Variants in SLC6A6 observed in about 807,000 individuals in gnomAD.
SLC6A6 encodes the protein sodium- and chloride-dependent taurine transporter.
In SLC6A6, 16 loss-of-function variants were observed where a neutral mutation model predicts 68.8. That is an observed-to-expected ratio of 0.23 (90% confidence interval 0.16 to 0.35). The LOEUF (loss-of-function observed/expected upper bound fraction) is 0.35. SLC6A6 is among the 10% of genes least tolerant of loss of function. The pLI is 1.00. For synonymous variants in SLC6A6, 312 were observed against 315.4 expected, an observed-to-expected ratio of 0.99 and a Z score of 0.12; for missense variants, 474 against 802.8, an observed-to-expected ratio of 0.59 and a Z score of 4.95.
In SLC6A6 at chr3:14,469,133, G is replaced by A. The variant is rs575325380; in HGVS notation, c.1096+921G>A. 4.6e-5 allele frequency among the ~76,000 whole-genome samples: 7 copies of A among 152,164 alleles called. No homozygotes were observed. The South Asian group carries it at 6.2e-4, about 14-fold the overall frequency. On this transcript the variant is annotated intron_variant, in intron 9 of 14. Transcript: ENST00000622186. ...CAGGATCCTCAAAGTCCACCTTTCCGACCTCTCCACCCTTCCCCGGCCCTG... is the reference window on the plus strand; with the variant it reads ...CAGGATCCTCAAAGTCCACCTTTCCAACCTCTCCACCCTTCCCCGGCCCTG...
chr3:14,474,447 G>A (rs377752615), intron 10 of SLC6A6, among the ~76,000 whole-genome samples: 1 of 152,062 alleles, frequency 6.6e-6, no homozygotes, highest in Non-Finnish European at 1.5e-5. Flanking sequence ...GACATTGCGC[G>A]GCCATCACCA....
At chr3:14,433,173 C>G (rs1574925968) in intron 2 of SLC6A6, among the ~76,000 whole-genome samples, 1 of 152,174 alleles carries the variant, frequency 6.6e-6, no homozygotes, top group Non-Finnish European at 1.5e-5. Context: ...GTAGCAGGTG[C>G]TCAGTCAGCC....
At chr3:14,448,092 T>C in intron 5 of SLC6A6, 1 of 1,178,094 alleles carries the variant, frequency 8.5e-7, no homozygotes, top group Non-Finnish European at 1.1e-6. Flanking sequence ...ATTACTACCC[T>C]GTGAGGCAGG....
At chr3:14,459,972 AC>A (rs1700460348) in intron 6 of SLC6A6, among the ~76,000 whole-genome samples, 1 of 143,950 alleles carries the variant, frequency 6.9e-6, no homozygotes, top group African/African-American at 2.6e-5. Context: ...ATCTCAGCTC[AC>A]TTTCTGGGCT....
intron 1 of SLC6A6, among the ~76,000 whole-genome samples, chr3:14,410,274 C>T (rs1699219906): frequency 6.6e-6 from 1 of 152,118 alleles, no homozygotes; most frequent in East Asian, 1.9e-4. Flanking sequence ...TGTGAACCCC[C>T]CCTTGACAGG....
intron 1 of SLC6A6, among the ~76,000 whole-genome samples, chr3:14,407,510 CTTT>C (rs55889836): frequency 6.5e-5 from 9 of 137,444 alleles, no homozygotes; most frequent in Admixed American, 1.5e-4. Context: ...TTTTCTTTTT[CTTT>C]TTTTTTTTTT....
At chr3:14,479,260 C>T (rs1184158823) in intron 13 of SLC6A6, 75 bp downstream of exon 13, 1 of 919,416 alleles carries the variant, frequency 1.1e-6, no homozygotes, top group African/African-American at 1.6e-5. Context: ...GCTAAACCAT[C>T]TTTCATGCAG....
chr3:14,460,887 T>G (rs1700479539), intron 6 of SLC6A6, among the ~76,000 whole-genome samples: 2 of 152,218 alleles, frequency 1.3e-5, no homozygotes, highest in Admixed American at 6.5e-5. Flanking sequence ...TCGCTGGCCA[T>G]GGCTTCCAGC....
rs138494057 is a variant in SLC6A6 at position 14,480,020 on chromosome 3, T to C, written c.1551+835T>C. ...ATAGGCCCTCCCCTCCGTGACCTGC[T>C]ATCAGGCCAGACTAAGTCAATGTTG... On this transcript the variant is annotated intron_variant, in intron 13 of 14. Transcript: ENST00000622186. Among the ~76,000 whole-genome samples, 34 of 152,326 alleles carry C rather than the reference T, an allele frequency of 2.2e-4. No individual in the cohort carries two copies. In the East Asian group the frequency reaches 5.8e-3, roughly 26 times the overall value.
intron 2 of SLC6A6, among the ~76,000 whole-genome samples, chr3:14,430,366 T>C (rs994492867): frequency 2.6e-5 from 4 of 152,060 alleles, no homozygotes; most frequent in Non-Finnish European, 5.9e-5. Context: ...GTGTGGCCTC[T>C]TGGGCCACAC....
chr3:14,483,743 G>GT (rs1701067863), intron 14 of SLC6A6, among the ~76,000 whole-genome samples: 1 of 152,220 alleles, frequency 6.6e-6, no homozygotes, highest in African/African-American at 2.4e-5. Flanking sequence ...CCAGGCTGGA[G>GT]TGCAGTGGCT....
intron 2 of SLC6A6, among the ~76,000 whole-genome samples, chr3:14,426,208 G>A (rs1324409746): frequency 1.3e-5 from 2 of 152,200 alleles, no homozygotes; most frequent in African/African-American, 4.8e-5. Flanking sequence ...GCCAGGCGGT[G>A]CCCCAGAGCG....
rs1011119784 is a variant in SLC6A6 at position 14,467,924 on chromosome 3, G to A, written c.939G>A (p.Gly313=). 1.9e-6 allele frequency: 3 copies of A among 1,613,840 alleles called. No individual in the cohort carries two copies. In the South Asian group the frequency reaches 3.3e-5, roughly 18 times the overall value. The change falls in exon 8 of 15, where the codon GGG becomes GGA. Residue 313 remains glycine, a synonymous_variant. Transcript: ENST00000622186. ...GCCTGGGGGCTATGACCTCGCTGGGGAGCTACAACAAGTACAAGTATAACT... is the reference window on the plus strand; with the variant it reads ...GCCTGGGGGCTATGACCTCGCTGGGAAGCTACAACAAGTACAAGTATAACT... The part of the protein sequence containing the change: ...AICLGAMTSL[G]SYNKYKYNSY...
intron 5 of SLC6A6, among the ~76,000 whole-genome samples, chr3:14,456,699 G>A (rs1700375093): frequency 1.3e-5 from 2 of 152,200 alleles, no homozygotes; most frequent in Admixed American, 6.5e-5. Flanking sequence ...GAGCATCCTG[G>A]GCAGGAGCTG....
intron 6 of SLC6A6, among the ~76,000 whole-genome samples, chr3:14,459,271 A>G (rs1449986664): frequency 6.6e-6 from 1 of 152,242 alleles, no homozygotes; most frequent in Non-Finnish European, 1.5e-5. Context: ...AGCTGTGGGC[A>G]GTGACCTTAG....
intron 1 of SLC6A6, among the ~76,000 whole-genome samples, chr3:14,409,410 C>T (rs753069172): frequency 4.6e-4 from 70 of 152,350 alleles, no homozygotes; most frequent in African/African-American, 1.0e-3. Flanking sequence ...TGAGCATCCA[C>T]GGTGCTTTAT....
chr3:14,416,554 GAGGA>G (rs1302576200), intron 2 of SLC6A6, 101 bp downstream of exon 2: 1 of 397,660 alleles, frequency 2.5e-6, no homozygotes, highest in Non-Finnish European at 4.4e-6. Context: ...CAGGCTCTAG[GAGGA>G]CAAGACGGGA....
chr3:14,488,944 C>T lies in SLC6A6; in HGVS notation c.*3937C>T, dbSNP rs1417658080. 3.3e-5 allele frequency: 5 copies of T among 152,272 alleles called. No individual in the cohort carries two copies. The highest frequency in any genetic ancestry group is 7.4e-5 in the Non-Finnish European group (5 of 67,996). The allele number at this position is 152,272 out of a possible 1,614,324, so 9.4% of individuals were successfully genotyped here. A position where few individuals can be genotyped will look rare whatever the true frequency, so the allele number is the denominator to read the frequency against. On this transcript the variant is annotated 3_prime_UTR_variant, in exon 15 of 15. Transcript: ENST00000622186. Reference sequence around the variant, plus strand: ...TTTTTACCCAATTAATCTCCCAATCCCTAGCAACTGTGACTCTGTATTTAG... The same window carrying T: ...TTTTTACCCAATTAATCTCCCAATCTCTAGCAACTGTGACTCTGTATTTAG...
intron 9 of SLC6A6, among the ~76,000 whole-genome samples, chr3:14,469,572 C>T (rs1700705212): frequency 2.0e-5 from 3 of 152,216 alleles, no homozygotes; most frequent in Admixed American, 6.5e-5. Context: ...GGTGGGGCTA[C>T]AACAGGGCTT....
Sources: allele counts gnomAD v4.1 joint callset (sites outside exome capture counted in the v4.1 genomes callset), GRCh38; gene constraint gnomAD v4.1.1; transcripts MANE v1.5; gene names NCBI Gene and HGNC (gene_info 2026-07-23, HGNC 2026-07-21).